The following PITX1 variants were observed in gnomAD, a reference collection of about 807,000 sequenced individuals.
The protein encoded by PITX1 is paired like homeodomain 1.
A neutral mutation model predicts 24.1 loss-of-function variants in PITX1; 5 were observed. That is an observed-to-expected ratio of 0.21 (90% CI 0.11 to 0.44). PITX1 has a LOEUF of 0.44. PITX1 is among the 20% of genes least tolerant of loss of function. The pLI, the probability that PITX1 is intolerant of heterozygous loss-of-function variation, is 0.99. For synonymous variants in PITX1, 213 were observed against 208.9 expected, an observed-to-expected ratio of 1.02 and a Z score of -0.17; for missense variants, 401 against 455.4, an observed-to-expected ratio of 0.88 and a Z score of 1.09.
In PITX1 at chr5:135,028,765, G is replaced by A; in HGVS notation, c.*14C>T. 1 of 1,539,774 alleles carries A rather than the reference G, an allele frequency of 6.5e-7. No individual in the cohort carries two copies. The stretch of plus-strand genomic sequence containing the variant: ...CCCGCTCCGGCCGCCGGCCCGCGTG[G>A]TGCGGCGGGGCGGTCAGCTGTTGTA... On this transcript the variant is annotated 3_prime_UTR_variant, in exon 3 of 3. Coordinates refer to ENST00000265340, the MANE Select transcript of PITX1 (RefSeq NM_002653.5).
At position 135,033,507 on chromosome 5, in the gene PITX1, C is replaced by T; in HGVS notation, c.169+206G>A. 5 of 594,412 alleles carry T rather than the reference C, an allele frequency of 8.4e-6. No homozygotes were observed. In the East Asian group the frequency reaches 9.1e-5, roughly 11 times the overall value. 36.8% of individuals were successfully genotyped at this position (594,412 alleles called of 1,614,324 possible). A position where few individuals can be genotyped will look rare whatever the true frequency, so the allele number is the denominator to read the frequency against. ...TCGTGCATCTGCCAGTCTCTTGGCG[C>T]GTGGGGACCGCGTGGAAGTGCCTTC... On this transcript the variant is annotated intron_variant, in intron 1 of 2. Coordinates refer to ENST00000265340, the MANE Select transcript of PITX1 (RefSeq NM_002653.5). This position sits in a 1 kb window ranked among gnomAD's most constrained non-coding sequence, Gnocchi z 5.9.
At position 135,028,852 on chromosome 5, in the gene PITX1, T is replaced by G. The variant is rs1296477476; in HGVS notation, c.872A>C (p.Gln291Pro). ...GCCGCCGTAGCCAAACGACGAGTGC[T>G]GTTTGGACTTGAGCCGCAGGCTGGC... Reference protein sequence around the residue: ...SLASLRLKSKQHSSFGYGGLQ... With the variant: ...SLASLRLKSKPHSSFGYGGLQ... The change falls in exon 3 of 3, where the codon CAG becomes CCG. Residue 291 changes from glutamine to proline, a missense_variant. Gln to Pro is a moderately conservative substitution (Grantham distance 76, BLOSUM62 -1). Coordinates refer to ENST00000265340, the MANE Select transcript of PITX1 (RefSeq NM_002653.5). The G allele has an allele frequency of 6.2e-7, 1 of 1,613,582 alleles. No individual in the cohort carries two copies. Among genetic ancestry groups the G allele is most frequent in the Non-Finnish European group, 8.5e-7 (1 of 1,179,914 alleles).
chr5:135,033,631 C>T lies in PITX1; in HGVS notation c.169+82G>A. The stretch of plus-strand genomic sequence containing the variant: ...GGAGAGGGAGCTTGGTTGCGCGGCG[C>T]GGGCGTCAGGCCCTGCTCCCAGCTC... On this transcript the variant is annotated intron_variant, in intron 1 of 2. Transcript: ENST00000265340. The surrounding 1 kb of genome is among the most constrained non-coding windows in gnomAD (Gnocchi z 5.9). 2 of 1,389,616 alleles carry T rather than the reference C, an allele frequency of 1.4e-6. No homozygotes were observed. The highest frequency in any genetic ancestry group is 2.0e-6 in the Non-Finnish European group (2 of 1,006,824). The allele number at this position is 1,389,616 out of a possible 1,614,324, so 86.1% of individuals were successfully genotyped here. A position where few individuals can be genotyped will look rare whatever the true frequency, so the allele number is the denominator to read the frequency against.
Position 135,033,095 on chromosome 5 carries a change from C to T in PITX1, c.169+618G>A, listed in dbSNP as rs770286311. Reference sequence around the variant, plus strand: ...GGCGGGGGCCAGAGCCGGGCTGCTCCGGGCTTCGGCCGCGCACGTGGGCCG... The same window carrying T: ...GGCGGGGGCCAGAGCCGGGCTGCTCTGGGCTTCGGCCGCGCACGTGGGCCG... On this transcript the variant is annotated intron_variant, in intron 1 of 2. Transcript: ENST00000265340. The surrounding 1 kb of genome is among the most constrained non-coding windows in gnomAD (Gnocchi z 5.9). The T allele has an allele frequency of 3.7e-5, 15 of 402,060 alleles. No individual in the cohort carries two copies. In the East Asian group the frequency reaches 6.0e-4, roughly 16 times the overall value. The allele number at this position is 402,060 out of a possible 1,614,324, so 24.9% of individuals were successfully genotyped here.
In PITX1 at chr5:135,033,893, C is replaced by G; in HGVS notation, c.-12G>C. The G allele has an allele frequency of 7.3e-7, 1 of 1,372,064 alleles. No individual in the cohort carries two copies. Among genetic ancestry groups the G allele is most frequent in the South Asian group, 1.7e-5 (1 of 59,534 alleles). The allele number at this position is 1,372,064 out of a possible 1,614,324, so 85.0% of individuals were successfully genotyped here. Reference sequence around the variant, plus strand: ...TTGAAGGCGTCCATGGAGGTGGGGACCGCGGCGGGCGCTCCAGGGGCCGGG... The same window carrying G: ...TTGAAGGCGTCCATGGAGGTGGGGAGCGCGGCGGGCGCTCCAGGGGCCGGG... On this transcript the variant is annotated 5_prime_UTR_variant, in exon 1 of 3. Coordinates refer to ENST00000265340, the MANE Select transcript of PITX1 (RefSeq NM_002653.5). The surrounding 1 kb of genome is among the most constrained non-coding windows in gnomAD (Gnocchi z 5.9).
chr5:135,033,952 G>A lies in PITX1; in HGVS notation c.-71C>T. 1 of 1,023,698 alleles carries A rather than the reference G, an allele frequency of 9.8e-7. No homozygotes were observed. Among genetic ancestry groups the A allele is most frequent in the Non-Finnish European group, 1.3e-6 (1 of 787,480 alleles). The allele number at this position is 1,023,698 out of a possible 1,614,324, so 63.4% of individuals were successfully genotyped here. ...CGCCCCGCCGCCCTGGCTGCGACCT[G>A]CGGGGACAAGAGCGCAGCGCCTAAG... is the stretch of plus-strand genomic sequence containing the variant. On this transcript the variant is annotated 5_prime_UTR_variant, in exon 1 of 3. Coordinates refer to ENST00000265340, the MANE Select transcript of PITX1 (RefSeq NM_002653.5). This position sits in a 1 kb window ranked among gnomAD's most constrained non-coding sequence, Gnocchi z 5.9.
Position 135,033,808 on chromosome 5 carries a change from T to G in PITX1, c.74A>C (p.His25Pro), listed in dbSNP as rs758332384. The G allele has an allele frequency of 1.9e-6, 3 of 1,564,358 alleles. No individual in the cohort carries two copies. The highest frequency in any genetic ancestry group is 2.6e-6 in the Non-Finnish European group (3 of 1,164,252). The part of the protein sequence containing the change: ...EGLRPPPPPP[H>P]DMGPAFHLAR... ...CAGGTGGAAGGCGGGCCCCATGTCATGGGGTGGCGGCGGCGGCGGCCGGAG... is the reference window on the plus strand; with the variant it reads ...CAGGTGGAAGGCGGGCCCCATGTCAGGGGGTGGCGGCGGCGGCGGCCGGAG... Residue 25 changes from histidine to proline, a missense_variant, in exon 1 of 3, where the codon CAT becomes CCT. His to Pro is a moderately conservative substitution (Grantham distance 77). Around this residue, in one of 3 missense-constraint regions of PITX1, gnomAD observed 136 missense variants for 133.3 expected, o/e 1.02. Coordinates refer to ENST00000265340, the MANE Select transcript of PITX1 (RefSeq NM_002653.5). This position sits in a 1 kb window ranked among gnomAD's most constrained non-coding sequence, Gnocchi z 5.9.
chr5:135,032,912 G>A (rs1259698593), intron 1 of PITX1: 1 of 429,058 alleles, frequency 2.3e-6, no homozygotes, highest in Non-Finnish European at 4.7e-6. Flanking sequence ...CCCACACCGG[G>A]GAGCTCGGAG....
intron 1 of PITX1, chr5:135,032,911 G>A (rs1231263420): frequency 4.7e-6 from 2 of 429,228 alleles, no homozygotes; most frequent in South Asian, 3.2e-5. Context: ...GCCCACACCG[G>A]GGAGCTCGGA....
upstream of PITX1, chr5:135,034,475 C>T (rs1465818475): frequency 1.3e-5 from 2 of 152,314 alleles, no homozygotes; most frequent in South Asian, 1.9e-4. Context: ...CCTCGCCGCG[C>T]CTCTCCCTCC....
intron 2 of PITX1, among the ~76,000 whole-genome samples, chr5:135,030,177 T>A (rs978398658): frequency 6.6e-6 from 1 of 152,180 alleles, no homozygotes; most frequent in Non-Finnish European, 1.5e-5. Flanking sequence ...CATCCTTACC[T>A]ATCTGCCTAC....
At position 135,033,176 on chromosome 5, in the gene PITX1, G is replaced by T. The variant is rs1461749266; in HGVS notation, c.169+537C>A. Reference sequence around the variant, plus strand: ...GCTGGGAGTCCGGCCGCGCCTGTTGGCCCGCTCGCCCTCACCGTCCTCTGT... The same window carrying T: ...GCTGGGAGTCCGGCCGCGCCTGTTGTCCCGCTCGCCCTCACCGTCCTCTGT... On this transcript the variant is annotated intron_variant, in intron 1 of 2. Coordinates refer to ENST00000265340, the MANE Select transcript of PITX1 (RefSeq NM_002653.5). The surrounding 1 kb of genome is among the most constrained non-coding windows in gnomAD (Gnocchi z 5.9). The T allele has an allele frequency of 3.1e-6, 1 of 321,588 alleles. No individual in the cohort carries two copies. Among genetic ancestry groups the T allele is most frequent in the South Asian group, 2.3e-5 (1 of 43,378 alleles). 19.9% of individuals were successfully genotyped at this position (321,588 alleles called of 1,614,324 possible).
At chr5:135,031,547 A>T in intron 1 of PITX1, 39 bp from the exon 2 acceptor site, 2 of 1,533,042 alleles carry the variant, frequency 1.3e-6, no homozygotes, top group Non-Finnish European at 1.8e-6. Context: ...ACCTGGGCTT[A>T]CGCCCCGTTG....
rs1752507305 is a variant in PITX1 at position 135,033,705 on chromosome 5, G to C, written c.169+8C>G. 1.9e-6 allele frequency: 3 copies of C among 1,595,360 alleles called. No individual in the cohort carries two copies. The highest frequency in any genetic ancestry group is 2.5e-6 in the Non-Finnish European group (3 of 1,177,522). ...CTCTGTGCGCGCCGCGCGGGGAACG[G>C]CGCTTACCTGGCAGCTCCGTGTCAG... is the stretch of plus-strand genomic sequence containing the variant. On this transcript the variant is annotated splice_region_variant and intron_variant, in intron 1 of 2. Transcript: ENST00000265340. The surrounding 1 kb of genome is among the most constrained non-coding windows in gnomAD (Gnocchi z 5.9).
chr5:135,028,946 C>T lies in PITX1; in HGVS notation c.778G>A (p.Gly260Ser), dbSNP rs568284959. Residue 260 changes from glycine to serine, a missense_variant, in exon 3 of 3, where the codon GGC becomes AGC. This residue lies in a region of PITX1 where 217 missense variants were observed against 219.8 expected (regional missense o/e 0.99). Transcript: ENST00000265340. Reference protein sequence around the residue: ...GSSLNSAMSPGACPYGTPASP... With the variant: ...GSSLNSAMSPSACPYGTPASP... ...GCGGGAGTGCCGTACGGGCAAGCGCCCGGCGACATGGCCGAGTTGAGCGAG... is the reference window on the plus strand; with the variant it reads ...GCGGGAGTGCCGTACGGGCAAGCGCTCGGCGACATGGCCGAGTTGAGCGAG... The T allele has an allele frequency of 5.6e-6, 9 of 1,614,064 alleles. No individual in the cohort carries two copies. In the East Asian group the frequency reaches 1.3e-4, roughly 24 times the overall value.
chr5:135,032,826 G>T, intron 1 of PITX1: 1 of 331,648 alleles, frequency 3.0e-6, no homozygotes, highest in Non-Finnish European at 6.0e-6. Flanking sequence ...ACTTAGGGAT[G>T]CAAAAGAGAA....
At chr5:135,030,692 G>C (rs536172054) in intron 2 of PITX1, among the ~76,000 whole-genome samples, 46 of 152,352 alleles carry the variant, frequency 3.0e-4, no homozygotes, top group African/African-American at 1.0e-3. Flanking sequence ...CCTGACGGGA[G>C]ACCTTCCGGA....
At position 135,029,194 on chromosome 5, in the gene PITX1, G is replaced by A; in HGVS notation, c.530C>T (p.Ala177Val). The part of the protein sequence containing the change: ...LVQPYEDVYA[A>V]GYSYNNWAAK... ...GGCCCAGTTGTTGTAGGAGTAGCCG[G>A]CGGCGTACACGTCCTCGTAGGGCTG... Residue 177 changes from alanine (A) to valine (V), a missense_variant, in exon 3 of 3, where the codon GCC becomes GTC. Transcript: ENST00000265340. 6.2e-7 allele frequency: 1 copy of A among 1,614,224 alleles called. No homozygotes were observed. The highest frequency in any genetic ancestry group is 8.5e-7 in the Non-Finnish European group (1 of 1,180,048).
intron 2 of PITX1, among the ~76,000 whole-genome samples, chr5:135,030,518 A>C (rs905626104): frequency 6.6e-6 from 1 of 152,204 alleles, no homozygotes; most frequent in Non-Finnish European, 1.5e-5. Flanking sequence ...TTACGCCCCC[A>C]GGGAAGAAAT....
Sources: allele counts gnomAD v4.1 joint callset (sites outside exome capture counted in the v4.1 genomes callset), GRCh38; gene constraint gnomAD v4.1.1; regional missense constraint gnomAD v4.1.1; non-coding constraint Gnocchi (gnomAD v3.1); transcripts MANE v1.5; gene names NCBI Gene and HGNC (gene_info 2026-07-23, HGNC 2026-07-21).